The following PAG1 variants were observed in gnomAD, a reference collection of about 807,000 sequenced individuals.
PAG1 encodes the protein phosphoprotein membrane anchor with glycosphingolipid microdomains 1, also known as phosphoprotein associated with glycosphingolipid-enriched microdomains 1.
A neutral mutation model predicts 31.7 loss-of-function variants in PAG1; 23 were observed. That is an observed-to-expected ratio of 0.73 (90% CI 0.52 to 1.03). PAG1 has a LOEUF of 1.03. Ranked by LOEUF, PAG1 falls within the 50% of genes least tolerant of loss-of-function variation. PAG1 has a pLI of 0.00. For missense variants in PAG1, 473 were observed against 540.7 expected, an observed-to-expected ratio of 0.87 and a Z score of 1.24; for synonymous variants, 214 against 210.3, an observed-to-expected ratio of 1.02 and a Z score of -0.15.
intron 2 of PAG1, among the ~76,000 whole-genome samples, chr8:81,046,566 T>A (rs1348321107): frequency 6.6e-6 from 1 of 152,218 alleles, no homozygotes; most frequent in Non-Finnish European, 1.5e-5. Flanking sequence ...TTCTTTTTAG[T>A]AACATTGTTT....
Position 80,974,201 on chromosome 8 carries a change from G to A in PAG1, c.*2343C>T, listed in dbSNP as rs565551019. ...CTTTAGAGATCATACCTACTTTCCT[G>A]CCTTTTTGATAAGTAAGGCATGAAA... On this transcript the variant is annotated 3_prime_UTR_variant, in exon 9 of 9. Coordinates refer to ENST00000220597, the MANE Select transcript of PAG1 (RefSeq NM_018440.4). 101 of 102,210 alleles carry A rather than the reference G, an allele frequency of 9.9e-4. 1 individual carries two copies. Among genetic ancestry groups the A allele is most frequent in the African/African-American group, 3.7e-3 (99 of 26,526 alleles). The allele number at this position is 102,210 out of a possible 1,614,324, so 6.3% of individuals were successfully genotyped here. A position where few individuals can be genotyped will look rare whatever the true frequency, so the allele number is the denominator to read the frequency against.
intron 5 of PAG1, among the ~76,000 whole-genome samples, chr8:80,989,550 G>A (rs1807495774): frequency 6.6e-6 from 1 of 152,186 alleles, no homozygotes; most frequent in Admixed American, 6.5e-5. Flanking sequence ...CTCTCTCACA[G>A]ACATTCACAT....
At chr8:81,092,252 G>A (rs554455411) in intron 1 of PAG1, among the ~76,000 whole-genome samples, 3 of 150,840 alleles carry the variant, frequency 2.0e-5, no homozygotes, top group African/African-American at 4.9e-5. Flanking sequence ...GCATGGTGGT[G>A]TGCACCTATA....
In PAG1 at chr8:81,112,064, A is replaced by G. The variant is rs896816916; in HGVS notation, c.-707T>C. 1 of 152,068 alleles carries G rather than the reference A, an allele frequency of 6.6e-6. No homozygotes were observed. The highest frequency in any genetic ancestry group is 2.4e-5 in the African/African-American group (1 of 41,412). The allele number at this position is 152,068 out of a possible 1,614,324, so 9.4% of individuals were successfully genotyped here. The stretch of plus-strand genomic sequence containing the variant: ...GCCAGCACTCGCCGCCGCGCCGCGG[A>G]GAATGACAGGCGCCGAGGCGGAGCA... On this transcript the variant is annotated 5_prime_UTR_variant, in exon 1 of 9. Transcript: ENST00000220597.
intron 5 of PAG1, among the ~76,000 whole-genome samples, chr8:80,988,043 T>C (rs1807462699): frequency 6.6e-6 from 1 of 152,224 alleles, no homozygotes; most frequent in South Asian, 2.1e-4. Flanking sequence ...TACAGAACAC[T>C]TCCAGCACTG....
At chr8:81,088,437 G>C (rs1345527973) in intron 1 of PAG1, among the ~76,000 whole-genome samples, 2 of 152,026 alleles carry the variant, frequency 1.3e-5, no homozygotes, top group African/African-American at 4.8e-5. Context: ...GTTATAGTTA[G>C]GGGGTTAGGG....
rs376862234 is a variant in PAG1 at position 80,976,844 on chromosome 8, C to G, written c.999G>C (p.Ser333=). 1 of 1,613,380 alleles carries G rather than the reference C, an allele frequency of 6.2e-7. No homozygotes were observed. The highest frequency in any genetic ancestry group is 8.5e-7 in the Non-Finnish European group (1 of 1,179,466). Residue 333 remains serine (S), a synonymous_variant, in exon 9 of 9, where the codon TCG becomes TCC. Transcript: ENST00000220597. The part of the protein sequence containing the change: ...PGQLVNKSGQ[S]LTVPESTYTS... ...TGTAGGTGGACTCCGGAACTGTAAG[C>G]GACTGCCCCGATTTATTCACTAACT...
intron 1 of PAG1, among the ~76,000 whole-genome samples, chr8:81,093,800 G>A (rs552551733): frequency 6.6e-6 from 1 of 152,156 alleles, no homozygotes; most frequent in Admixed American, 6.5e-5. Context: ...CCTCAGGAAG[G>A]AGTGTTCATC....
At chr8:81,006,571 A>G (rs79302302) in intron 3 of PAG1, among the ~76,000 whole-genome samples, 1,653 of 152,316 alleles carry the variant, frequency 0.011, 30 homozygotes, top group African/African-American at 0.038. Context: ...CCCTCCTTAG[A>G]AAGCCATGGA....
At chr8:81,048,770 A>G (rs1808681828) in intron 2 of PAG1, among the ~76,000 whole-genome samples, 2 of 152,190 alleles carry the variant, frequency 1.3e-5, no homozygotes, top group African/African-American at 4.8e-5. Context: ...CATTTATTAG[A>G]TGATCTTAAA....
At chr8:80,994,339 A>G (rs2130525142) in intron 3 of PAG1, among the ~76,000 whole-genome samples, 1 of 152,344 alleles carries the variant, frequency 6.6e-6, no homozygotes, top group South Asian at 2.1e-4. Flanking sequence ...CTAAGAATAC[A>G]TCCCTGGGAA....
chr8:81,022,188 G>A (rs922196992), intron 3 of PAG1, among the ~76,000 whole-genome samples: 2 of 152,200 alleles, frequency 1.3e-5, no homozygotes, highest in African/African-American at 4.8e-5. Flanking sequence ...TCTTTACCAT[G>A]TACTTCCTGG....
Position 80,993,170 on chromosome 8 carries a change from T to C in PAG1, c.58A>G (p.Ser20Gly), listed in dbSNP as rs768760026. 1 of 1,613,818 alleles carries C rather than the reference T, an allele frequency of 6.2e-7. No individual in the cohort carries two copies. Among genetic ancestry groups the C allele is most frequent in the Non-Finnish European group, 8.5e-7 (1 of 1,179,894 alleles). Reference protein sequence around the residue: ...SGQMQITLWGSLAAVAIFFVI... With the variant: ...SGQMQITLWGGLAAVAIFFVI... ...AAGAAAATGGCGACAGCAGCCAGACTTCCCCACAGGGTGATCTGCATCTGT... is the reference window on the plus strand; with the variant it reads ...AAGAAAATGGCGACAGCAGCCAGACCTCCCCACAGGGTGATCTGCATCTGT... Residue 20 changes from serine (S) to glycine (G), a missense_variant, in exon 4 of 9, where the codon AGT becomes GGT. Transcript: ENST00000220597.
At chr8:81,024,191 A>C (rs1808234893) in intron 3 of PAG1, among the ~76,000 whole-genome samples, 3 of 152,210 alleles carry the variant, frequency 2.0e-5, no homozygotes, top group Admixed American at 2.0e-4. Context: ...CCTAGGTTTG[A>C]ACCTTTACCA....
intron 2 of PAG1, among the ~76,000 whole-genome samples, chr8:81,063,606 G>A (rs1361620510): frequency 6.6e-6 from 1 of 152,152 alleles, no homozygotes; most frequent in Non-Finnish European, 1.5e-5. Flanking sequence ...CCTTATGTTA[G>A]TAATTTGGAT....
intron 1 of PAG1, among the ~76,000 whole-genome samples, chr8:81,089,402 A>C (rs1809410856): frequency 6.6e-6 from 1 of 152,030 alleles, no homozygotes; most frequent in Non-Finnish European, 1.5e-5. Context: ...CCCCGTCTCT[A>C]CTAAAAATAC....
At chr8:81,078,072 C>T (rs746918488) in intron 1 of PAG1, among the ~76,000 whole-genome samples, 1 of 152,204 alleles carries the variant, frequency 6.6e-6, no homozygotes, top group Non-Finnish European at 1.5e-5. Context: ...TCTTGAGGTA[C>T]AGAAGTAGGA....
At chr8:81,034,171 A>G (rs1193662597) in intron 2 of PAG1, among the ~76,000 whole-genome samples, 10 of 152,266 alleles carry the variant, frequency 6.6e-5, no homozygotes, top group Non-Finnish European at 1.2e-4. Context: ...AATCCTTTCT[A>G]CAATGTCTGT....
At chr8:81,100,498 C>A (rs1208334719) in intron 1 of PAG1, among the ~76,000 whole-genome samples, 1 of 152,342 alleles carries the variant, frequency 6.6e-6, no homozygotes, top group East Asian at 1.9e-4. Context: ...TCCCTGGCCT[C>A]TACCCACCAG....
Sources: allele counts gnomAD v4.1 joint callset (sites outside exome capture counted in the v4.1 genomes callset), GRCh38; gene constraint gnomAD v4.1.1; transcripts MANE v1.5; gene names NCBI Gene and HGNC (gene_info 2026-07-23, HGNC 2026-07-21).